Variants in PTPRB observed in about 807,000 individuals in gnomAD.
PTPRB encodes receptor-type tyrosine-protein phosphatase beta.
Under a neutral mutation model 238.1 loss-of-function variants are expected in PTPRB, and 97 were observed. The observed-to-expected ratio is 0.41, with a 90% CI of 0.35 to 0.48. The LOEUF is 0.48. Ranked by LOEUF, PTPRB falls within the 20% of genes least tolerant of loss-of-function variation. The pLI is 0.30. For missense variants in PTPRB, 2,292 were observed against 2,681.9 expected, an observed-to-expected ratio of 0.85 and a Z score of 3.21; for synonymous variants, 970 against 995.4, an observed-to-expected ratio of 0.97 and a Z score of 0.48.
chr12:70,562,924 A>G lies in PTPRB; in HGVS notation c.4088T>C (p.Leu1363Pro), dbSNP rs1464665346. 8 of 1,614,014 alleles carry G rather than the reference A, an allele frequency of 5.0e-6. No homozygotes were observed. Among genetic ancestry groups the G allele is most frequent in the East Asian group, 2.2e-5 (1 of 44,884 alleles). ...LVQSFSFQNLLQGRMYKMVIV... is the reference protein window; with the variant it reads ...LVQSFSFQNLPQGRMYKMVIV... ...CACCATCTTGTACATTCTGCCTTGT[A>G]GCAAGTTCTGGAAAGAGAAGCTCTG... Residue 1363 changes from leucine (L) to proline (P), a missense_variant, in exon 16 of 34, where the codon CTA becomes CCA. Physicochemically the swap from Leu to Pro is moderately conservative, Grantham distance 98. Transcript: ENST00000334414.
At chr12:70,549,986 T>A (rs1156274527) in intron 21 of PTPRB, among the ~76,000 whole-genome samples, 3 of 152,234 alleles carry the variant, frequency 2.0e-5, no homozygotes, top group Non-Finnish European at 4.4e-5. Flanking sequence ...GCCATATTGT[T>A]TTGTAACCAA....
intron 3 of PTPRB, among the ~76,000 whole-genome samples, chr12:70,617,440 T>G (rs1884727658): frequency 6.6e-6 from 1 of 152,194 alleles, no homozygotes; most frequent in Admixed American, 6.5e-5. Context: ...CCATTCACAC[T>G]AGTCAATCTA....
intron 32 of PTPRB, among the ~76,000 whole-genome samples, chr12:70,531,540 T>G (rs1873245535): frequency 6.6e-6 from 1 of 152,168 alleles, no homozygotes; most frequent in African/African-American, 2.4e-5. Flanking sequence ...GTGGGCTTTG[T>G]GCAAAGCCCT....
At chr12:70,614,686 A>T (rs1257746232) in intron 3 of PTPRB, among the ~76,000 whole-genome samples, 2 of 152,184 alleles carry the variant, frequency 1.3e-5, no homozygotes, top group East Asian at 3.8e-4. Context: ...TTGTTATGCA[A>T]ACCTCAGGTA....
intron 10 of PTPRB, among the ~76,000 whole-genome samples, chr12:70,577,618 A>C (rs916621095): frequency 6.6e-6 from 1 of 152,230 alleles, no homozygotes; most frequent in Non-Finnish European, 1.5e-5. Flanking sequence ...TAACAGTTTC[A>C]TATGATTGTC....
intron 27 of PTPRB, 55 bp from the exon 28 acceptor site, chr12:70,538,286 G>T (rs1190853866): frequency 7.1e-6 from 10 of 1,409,154 alleles, no homozygotes; most frequent in Non-Finnish European, 9.9e-6. Context: ...CAGTTTATGT[G>T]ATGTGTGTGA....
In PTPRB at chr12:70,516,834, A is replaced by G. The variant is rs960928285; in HGVS notation, c.*4655T>C. The G allele has an allele frequency of 6.6e-6, 1 of 152,192 alleles. No homozygotes were observed. The highest frequency in any genetic ancestry group is 2.4e-5 in the African/African-American group (1 of 41,462). 9.4% of individuals were successfully genotyped at this position (152,192 alleles called of 1,614,324 possible). Reference sequence around the variant, plus strand: ...GTAAACCTGTTAATCTCTTATTTCCATTACATAAGCCTCTATTTTCAGAGC... The same window carrying G: ...GTAAACCTGTTAATCTCTTATTTCCGTTACATAAGCCTCTATTTTCAGAGC... On this transcript the variant is annotated 3_prime_UTR_variant, in exon 34 of 34. Transcript: ENST00000334414.
intron 3 of PTPRB, among the ~76,000 whole-genome samples, chr12:70,621,385 CTGAGAG>C (rs1312741659): frequency 5.3e-5 from 8 of 152,058 alleles, no homozygotes; most frequent in African/African-American, 1.9e-4. Flanking sequence ...TGTTAATGAA[CTGAGAG>C]TAAGTATTGA....
At position 70,571,989 on chromosome 12, in the gene PTPRB, C is replaced by T. The variant is rs770898290; in HGVS notation, c.2941G>A (p.Glu981Lys). 2.4e-5 allele frequency: 39 copies of T among 1,613,804 alleles called. No homozygotes were observed. In the South Asian group the frequency reaches 2.7e-4, roughly 11 times the overall value. Reference protein sequence around the residue: ...VHATGDFDHYEVTIKNKNNFI... With the variant: ...VHATGDFDHYKVTIKNKNNFI... ...TTGTTTTTGTTTTTAATGGTGACTT[C>T]ATAGTGATCAAAGTCTCCAGTGGCA... Residue 981 changes from glutamate (E) to lysine (K), a missense_variant, in exon 12 of 34, where the codon GAA (glutamate) becomes AAA (lysine). Glu to Lys is a moderately conservative substitution (Grantham distance 56, BLOSUM62 1). Transcript: ENST00000334414.
intron 20 of PTPRB, among the ~76,000 whole-genome samples, chr12:70,554,000 A>G (rs1877283894): frequency 6.6e-6 from 1 of 152,200 alleles, no homozygotes; most frequent in Admixed American, 6.5e-5. Context: ...TTACTGTCTC[A>G]TATTCATGTA....
At chr12:70,528,668 A>AAAT (rs1488285930) in intron 32 of PTPRB, among the ~76,000 whole-genome samples, 2 of 152,194 alleles carry the variant, frequency 1.3e-5, no homozygotes, top group Non-Finnish European at 2.9e-5. Context: ...CAAAAAATAG[A>AAAT]AATAATAAAT....
At chr12:70,606,090 A>G (rs1362273792) in intron 4 of PTPRB, among the ~76,000 whole-genome samples, 1 of 152,234 alleles carries the variant, frequency 6.6e-6, no homozygotes, top group Non-Finnish European at 1.5e-5. Context: ...AAAGCATGGC[A>G]TACATGAGGC....
At chr12:70,545,424 A>G (rs2136275159) in intron 21 of PTPRB, among the ~76,000 whole-genome samples, 1 of 152,374 alleles carries the variant, frequency 6.6e-6, no homozygotes, top group South Asian at 2.1e-4. Flanking sequence ...TTTATTGTCA[A>G]CAGGAAATAT....
chr12:70,594,629 G>T lies in PTPRB; in HGVS notation c.1354C>A (p.Leu452Met). ...HGSGNVERYR[L>M]MLMDKGILVH... is the part of the protein sequence containing the mutation. Reference sequence around the variant, plus strand: ...AGGATCCCTTTATCCATTAGCATCAGCCGGTATCGTTCCACATTCCCAGAA... The same window carrying T: ...AGGATCCCTTTATCCATTAGCATCATCCGGTATCGTTCCACATTCCCAGAA... The change falls in exon 6 of 34, where the codon CTG becomes ATG. Residue 452 changes from leucine (L) to methionine (M), a missense_variant. Leu to Met is a conservative substitution (Grantham distance 15, BLOSUM62 2). Transcript: ENST00000334414. The T allele has an allele frequency of 1.2e-6, 2 of 1,614,006 alleles. No homozygotes were observed. Among genetic ancestry groups the T allele is most frequent in the South Asian group, 1.1e-5 (1 of 91,076 alleles).
Position 70,552,915 on chromosome 12 carries a change from T to C in PTPRB, c.5249A>G (p.Lys1750Arg). The change falls in exon 21 of 34, where the codon AAA becomes AGA. Residue 1750 changes from lysine to arginine, a missense_variant. Coordinates refer to ENST00000334414, the MANE Select transcript of PTPRB (RefSeq NM_001109754.4). ...RVYQTNYFAS[K>R]CAENPNSNSK... ...GTTGCTGTTAGGATTTTCGGCACAT[T>C]TGCTGGCAAAATAATTAGTCTGATA... The C allele has an allele frequency of 1.2e-6, 2 of 1,613,962 alleles. No individual in the cohort carries two copies. Among genetic ancestry groups the C allele is most frequent in the Non-Finnish European group, 1.7e-6 (2 of 1,179,874 alleles).
chr12:70,590,198 T>A lies in PTPRB; in HGVS notation c.1816A>T (p.Asn606Tyr). The A allele has an allele frequency of 6.3e-7, 1 of 1,585,652 alleles. No homozygotes were observed. Among genetic ancestry groups the A allele is most frequent in the East Asian group, 2.3e-5 (1 of 44,322 alleles). ...DKVANLEANNNGRMRSLVVSW... is the reference protein window; with the variant it reads ...DKVANLEANNYGRMRSLVVSW... Reference sequence around the variant, plus strand: ...ACTACAAGAGACCTCATCCTGCCATTATTGTTTGCCTCCAGGTTTGCAACT... The same window carrying A: ...ACTACAAGAGACCTCATCCTGCCATAATTGTTTGCCTCCAGGTTTGCAACT... The change falls in exon 8 of 34, where the codon AAT becomes TAT. Residue 606 changes from asparagine to tyrosine, a missense_variant. Transcript: ENST00000334414.
At chr12:70,608,035 C>T (rs538652982) in intron 4 of PTPRB, among the ~76,000 whole-genome samples, 1 of 152,240 alleles carries the variant, frequency 6.6e-6, no homozygotes, top group East Asian at 1.9e-4. Flanking sequence ...GTTAAATTCT[C>T]TGAAACTGCT....
chr12:70,612,964 G>A (rs1479532549), intron 3 of PTPRB, among the ~76,000 whole-genome samples: 1 of 152,134 alleles, frequency 6.6e-6, no homozygotes, highest in East Asian at 1.9e-4. Flanking sequence ...TCCAGCCTCG[G>A]CAACAGAGTG....
Position 70,596,285 on chromosome 12 carries a change from G to T in PTPRB, c.1022C>A (p.Thr341Lys). The T allele has an allele frequency of 1.9e-6, 3 of 1,607,710 alleles. No homozygotes were observed. The South Asian group carries it at 3.3e-5, about 18-fold the overall frequency. Residue 341 changes from threonine to lysine, a missense_variant, in exon 5 of 34, where the codon ACG becomes AAG. Physicochemically the swap from Thr to Lys is moderately conservative, Grantham distance 78 (BLOSUM62 -1). Around this residue, in one of 4 missense-constraint regions of PTPRB, gnomAD observed 1,205 missense variants for 1,287.8 expected, o/e 0.94. Transcript: ENST00000334414. ...PARFGVSKEK[T>K]TSTSLHVWWT... ...CCAAACATGCAAGCTGGTTGAAGTC[G>T]TCTTCTCTTTACTGACTCCAAACCT...
Sources: gnomAD v4.1 joint callset for allele counts (sites outside exome capture counted in the v4.1 genomes callset) on GRCh38, gnomAD v4.1.1 for gene constraint, gnomAD v4.1.1 regional missense constraint, MANE v1.5 for transcripts, NCBI Gene and HGNC (gene_info 2026-07-23, HGNC 2026-07-21) for gene names.